Variants in RBFOX1 observed in about 807,000 individuals in gnomAD.
RBFOX1 encodes the protein RNA binding protein fox-1 homolog 1.
A neutral mutation model predicts 57.7 loss-of-function variants in RBFOX1; 8 were observed. The ratio of observed to expected loss-of-function variants is 0.14; its 90% CI spans 0.08 to 0.25. RBFOX1 has a LOEUF of 0.25. Ranked by LOEUF, RBFOX1 falls within the 10% of genes least tolerant of loss-of-function variation. The pLI, the probability that RBFOX1 is intolerant of heterozygous loss-of-function variation, is 1.00. For synonymous variants in RBFOX1, 326 were observed against 222.4 expected (o/e 1.47, Z -4.15); for missense variants, 611 against 548.5 (o/e 1.11, Z -1.14).
intron 3 of RBFOX1, among the ~76,000 whole-genome samples, chr16:5,827,083 T>G (rs1210099579): frequency 6.6e-6 from 1 of 152,166 alleles, no homozygotes; most frequent in Non-Finnish European, 1.5e-5. Flanking sequence ...TTTTTCTCTT[T>G]CACACATGAG....
In RBFOX1 at chr16:5,496,568, G is replaced by A. The variant is rs1419428042; in HGVS notation, c.258+29314G>A. ...ACTTGTTATCAGGCATCATTTAGGAGGAAGCTTGCTTTTCTCTCTCTCTTA... is the reference window on the plus strand; with the variant it reads ...ACTTGTTATCAGGCATCATTTAGGAAGAAGCTTGCTTTTCTCTCTCTCTTA... On this transcript the variant is annotated intron_variant, in intron 2 of 2. Transcript: ENST00000585867. 3.9e-5 allele frequency among the ~76,000 whole-genome samples: 6 copies of A among 152,258 alleles called. No homozygotes were observed. The East Asian group carries it at 9.6e-4, about 24-fold the overall frequency.
At chr16:5,929,165 G>A (rs886078315) in intron 4 of RBFOX1, among the ~76,000 whole-genome samples, 3 of 152,068 alleles carry the variant, frequency 2.0e-5, no homozygotes, top group Admixed American at 1.3e-4. Flanking sequence ...CTTGGGAAGC[G>A]GACAGGGAAG....
chr16:6,998,254 TA>T (rs1260909453), intron 3 of RBFOX1, among the ~76,000 whole-genome samples: 1 of 152,212 alleles, frequency 6.6e-6, no homozygotes, highest in Non-Finnish European at 1.5e-5. Flanking sequence ...TAAATATTCC[TA>T]AAGCCTATGG....
At chr16:7,080,985 C>G (rs115077015) in intron 4 of RBFOX1, among the ~76,000 whole-genome samples, 1 of 152,198 alleles carries the variant, frequency 6.6e-6, no homozygotes, top group African/African-American at 2.4e-5. Flanking sequence ...TGGTCTTTAC[C>G]TCACTTCCCC....
At chr16:6,507,945 A>G (rs966485133) in intron 2 of RBFOX1, among the ~76,000 whole-genome samples, 1 of 152,204 alleles carries the variant, frequency 6.6e-6, no homozygotes, top group African/African-American at 2.4e-5. Context: ...TCACAATAGC[A>G]AAGACATGGA....
intron 4 of RBFOX1, among the ~76,000 whole-genome samples, chr16:7,067,597 C>T (rs950031794): frequency 2.0e-5 from 3 of 151,654 alleles, no homozygotes; most frequent in Non-Finnish European, 2.9e-5. Context: ...AGGTTAGTTA[C>T]GTATGTATAC....
intron 2 of RBFOX1, among the ~76,000 whole-genome samples, chr16:6,410,792 C>T (rs541325339): frequency 2.0e-5 from 3 of 152,264 alleles, no homozygotes; most frequent in South Asian, 4.1e-4. Flanking sequence ...GCTGTGTAGG[C>T]TGTTGGAGTG....
chr16:7,611,571 C>G (rs1165513792), intron 10 of RBFOX1, among the ~76,000 whole-genome samples: 1 of 147,090 alleles, frequency 6.8e-6, no homozygotes, highest in African/African-American at 2.5e-5. Context: ...AAGAGCAAAA[C>G]TCTGTCTCAA....
At chr16:5,617,666 C>T (rs920797717) in intron 3 of RBFOX1, among the ~76,000 whole-genome samples, 5 of 152,156 alleles carry the variant, frequency 3.3e-5, no homozygotes, top group African/African-American at 1.2e-4. Context: ...TGAGTTGTTT[C>T]TGAGGACTAT....
chr16:5,753,749 A>G (rs973578807), intron 3 of RBFOX1, among the ~76,000 whole-genome samples: 5 of 152,164 alleles, frequency 3.3e-5, no homozygotes, highest in Admixed American at 6.6e-5. Flanking sequence ...CCAGCACAGC[A>G]CTGCTCTCCC....
Position 7,111,718 on chromosome 16 carries a change from C to G in RBFOX1, c.27+59620C>G, listed in dbSNP as rs568326598. 9.8e-4 allele frequency among the ~76,000 whole-genome samples: 149 copies of G among 151,854 alleles called. 1 individual carries two copies. The highest frequency in any genetic ancestry group is 3.5e-3 in the African/African-American group (146 of 41,384). On this transcript the variant is annotated intron_variant, in intron 4 of 15. Coordinates refer to ENST00000550418, the MANE Select transcript of RBFOX1 (RefSeq NM_018723.4). ...GGAAGATGAGGTTAGTCTGAAAGGA[C>G]CTGGTCTTTATAAAATTATTCTGAT... is the stretch of plus-strand genomic sequence containing the variant.
intron 2 of RBFOX1, among the ~76,000 whole-genome samples, chr16:6,623,552 T>C (rs563185697): frequency 7.1e-4 from 108 of 152,176 alleles, no homozygotes; most frequent in South Asian, 7.1e-3. Flanking sequence ...CATTAACTCG[T>C]CATTTAACAT....
chr16:7,389,148 C>T (rs1384675124), intron 4 of RBFOX1, among the ~76,000 whole-genome samples: 6 of 151,748 alleles, frequency 4.0e-5, no homozygotes, highest in Non-Finnish European at 8.8e-5. Context: ...TTTTTGGAGG[C>T]AGAGTCTCAC....
chr16:5,359,330 C>T (rs1030667997), intron 1 of RBFOX1, among the ~76,000 whole-genome samples: 7 of 152,192 alleles, frequency 4.6e-5, no homozygotes, highest in African/African-American at 1.7e-4. Context: ...CGTGTATACC[C>T]AGCAATGGGA....
intron 2 of RBFOX1, among the ~76,000 whole-genome samples, chr16:6,468,430 A>G (rs2095100478): frequency 6.6e-6 from 1 of 152,166 alleles, no homozygotes; most frequent in Non-Finnish European, 1.5e-5. Flanking sequence ...AAAGAATACA[A>G]TTATAGCTTA....
intron 1 of RBFOX1, among the ~76,000 whole-genome samples, chr16:5,419,120 T>C (rs1333978638): frequency 1.3e-5 from 2 of 152,188 alleles, no homozygotes; most frequent in African/African-American, 4.8e-5. Context: ...TTCCCTGGTG[T>C]GGAAGGCTGG....
At chr16:6,952,580 G>T (rs941907663) in intron 3 of RBFOX1, among the ~76,000 whole-genome samples, 1 of 152,032 alleles carries the variant, frequency 6.6e-6, no homozygotes, top group African/African-American at 2.4e-5. Flanking sequence ...CAAGGCTGCA[G>T]TGAGCCATGA....
chr16:5,746,276 G>C (rs1255905441), intron 3 of RBFOX1, among the ~76,000 whole-genome samples: 1 of 152,212 alleles, frequency 6.6e-6, no homozygotes, highest in South Asian at 2.1e-4. Context: ...TCCAAGGGCT[G>C]TGTTCTGTTC....
chr16:5,937,741 C>G (rs1188044414), intron 4 of RBFOX1, among the ~76,000 whole-genome samples: 1 of 148,364 alleles, frequency 6.7e-6, no homozygotes, highest in African/African-American at 2.5e-5. Context: ...CTCCATATAA[C>G]TATAAATATG....
Sources: allele counts gnomAD v4.1 joint callset (sites outside exome capture counted in the v4.1 genomes callset), GRCh38; gene constraint gnomAD v4.1.1; transcripts MANE v1.5; gene names NCBI Gene and HGNC (gene_info 2026-07-23, HGNC 2026-07-21).